Variants in TENM2 observed in about 807,000 individuals in gnomAD.
TENM2 encodes teneurin transmembrane protein 2.
Under a neutral mutation model 245.2 loss-of-function variants are expected in TENM2, and 52 were observed. The observed-to-expected ratio is 0.21, with a 90% CI of 0.17 to 0.27. The LOEUF is 0.27. Among genes scored for constraint, TENM2 ranks in the 10% least tolerant of loss-of-function variants. TENM2 has a pLI of 1.00. For synonymous variants in TENM2, 1,363 were observed against 1,438.9 expected, an observed-to-expected ratio of 0.95 and a Z score of 1.19; for missense variants, 3,046 against 3,666.8, an observed-to-expected ratio of 0.83 and a Z score of 4.37.
At chr5:167,775,217 C>A (rs1763685865) in intron 2 of TENM2, among the ~76,000 whole-genome samples, 1 of 152,170 alleles carries the variant, frequency 6.6e-6, no homozygotes, top group South Asian at 2.1e-4. Flanking sequence ...ATCTGCCCGC[C>A]TCGGCCTCCC....
chr5:168,254,334 C>G (rs1767437311), intron 27 of TENM2, among the ~76,000 whole-genome samples: 1 of 152,192 alleles, frequency 6.6e-6, no homozygotes, highest in South Asian at 2.1e-4. Flanking sequence ...TCAGAAATGC[C>G]TTCCGCAGCA....
chr5:167,003,638 C>T, the TENM2 span, among the ~76,000 whole-genome samples: 6 of 152,012 alleles, frequency 3.9e-5, no homozygotes, highest in Admixed American at 6.6e-5. Context: ...TTGGTAAAGT[C>T]GAACTTTTTT....
chr5:167,498,143 G>A (rs1768937333), intron 2 of TENM2, among the ~76,000 whole-genome samples: 1 of 152,050 alleles, frequency 6.6e-6, no homozygotes, highest in Non-Finnish European at 1.5e-5. Flanking sequence ...TGAGCAGCAT[G>A]CTTTTAATGT....
intron 5 of TENM2, among the ~76,000 whole-genome samples, chr5:168,044,303 T>C (rs546852903): frequency 2.3e-4 from 35 of 152,256 alleles, no homozygotes; most frequent in African/African-American, 6.3e-4. Context: ...TAGTCCCAGA[T>C]ACTCGGGAGG....
At chr5:168,114,235 G>T (rs546115424) in intron 9 of TENM2, among the ~76,000 whole-genome samples, 3 of 152,116 alleles carry the variant, frequency 2.0e-5, no homozygotes, top group East Asian at 1.9e-4. Context: ...GGGGAAATTG[G>T]GTCTTTGAGA....
chr5:167,438,496 A>G lies in TENM2; in HGVS notation c.502+63023A>G, dbSNP rs188123573. 4.1e-3 allele frequency among the ~76,000 whole-genome samples: 624 copies of G among 151,314 alleles called. 5 individuals carry two copies. Among genetic ancestry groups the G allele is most frequent in the African/African-American group, 0.014 (596 of 41,310 alleles). On this transcript the variant is annotated intron_variant, in intron 2 of 28. Transcript: ENST00000518659. ...AAGCTCTGCCTCCTGAGTTCACGGT[A>G]TTCTCCTGCCTCAGCCTCCCAAGTA...
the TENM2 span, among the ~76,000 whole-genome samples, chr5:167,233,218 A>G: frequency 1.3e-5 from 2 of 152,210 alleles, no homozygotes; most frequent in African/African-American, 2.4e-5. Flanking sequence ...ATATTTTCCT[A>G]AAAGTCAGTT....
At chr5:167,937,480 C>G (rs1778814445) in intron 3 of TENM2, among the ~76,000 whole-genome samples, 1 of 152,156 alleles carries the variant, frequency 6.6e-6, no homozygotes, top group Non-Finnish European at 1.5e-5. Context: ...TTTTGCATAC[C>G]CACCAGCAAT....
At chr5:167,145,568 G>A in the TENM2 span, among the ~76,000 whole-genome samples, 1 of 152,166 alleles carries the variant, frequency 6.6e-6, no homozygotes, top group African/African-American at 2.4e-5. Flanking sequence ...TCCTTCAGTG[G>A]ATTTCACAGT....
the TENM2 span, among the ~76,000 whole-genome samples, chr5:167,136,205 A>AT: frequency 6.6e-6 from 1 of 152,116 alleles, no homozygotes; most frequent in African/African-American, 2.4e-5. Flanking sequence ...CTGGATTATT[A>AT]TTTTTTGTCT....
At chr5:167,607,049 G>A (rs1457506441) in intron 2 of TENM2, among the ~76,000 whole-genome samples, 1 of 152,086 alleles carries the variant, frequency 6.6e-6, no homozygotes, top group Non-Finnish European at 1.5e-5. Flanking sequence ...TAGCTTAAGG[G>A]TCACAAATTT....
At chr5:168,118,745 T>C (rs1795267326) in intron 10 of TENM2, among the ~76,000 whole-genome samples, 1 of 152,172 alleles carries the variant, frequency 6.6e-6, no homozygotes, top group African/African-American at 2.4e-5. Flanking sequence ...TTCACCTTTG[T>C]TTTTCTCTTT....
At chr5:167,692,854 G>A (rs546239424) in intron 2 of TENM2, among the ~76,000 whole-genome samples, 2 of 152,302 alleles carry the variant, frequency 1.3e-5, no homozygotes, top group African/African-American at 2.4e-5. Flanking sequence ...GCAGATGGAC[G>A]ATAGTGTTGC....
the TENM2 span, among the ~76,000 whole-genome samples, chr5:167,135,360 T>C: frequency 6.6e-6 from 1 of 152,246 alleles, no homozygotes; most frequent in Admixed American, 6.5e-5. Context: ...AATAGAATTA[T>C]AGGTCCATTG....
chr5:167,546,966 C>T (rs115698722), intron 2 of TENM2, among the ~76,000 whole-genome samples: 421 of 152,294 alleles, frequency 2.8e-3, no homozygotes, highest in African/African-American at 9.7e-3. Context: ...GTGGCAGTCC[C>T]ATTGCCTGCA....
chr5:167,591,447 G>A (rs753164073), intron 2 of TENM2, among the ~76,000 whole-genome samples: 1 of 152,110 alleles, frequency 6.6e-6, no homozygotes, highest in South Asian at 2.1e-4. Context: ...CTCAAATCGG[G>A]CAGGCTTTCT....
chr5:167,975,783 A>C (rs890779811), intron 4 of TENM2, among the ~76,000 whole-genome samples: 3 of 152,012 alleles, frequency 2.0e-5, no homozygotes, highest in African/African-American at 7.2e-5. Flanking sequence ...TGTAAATTCA[A>C]ATGGGAAAAT....
chr5:167,846,247 T>A (rs1392288863), intron 2 of TENM2, among the ~76,000 whole-genome samples: 1 of 152,250 alleles, frequency 6.6e-6, no homozygotes, highest in Non-Finnish European at 1.5e-5. Context: ...TGTCTGGCAC[T>A]GCTTCTGCCA....
At chr5:168,036,697 A>ATATATATG (rs1416426638) in intron 5 of TENM2, among the ~76,000 whole-genome samples, 1 of 98,088 alleles carries the variant, frequency 1.0e-5, no homozygotes, top group African/African-American at 6.1e-5. Flanking sequence ...ATATATATAT[A>ATATATATG]TATGTATGTG....
Sources: gnomAD v4.1 joint callset for allele counts (sites outside exome capture counted in the v4.1 genomes callset) on GRCh38, gnomAD v4.1.1 for gene constraint, MANE v1.5 for transcripts, NCBI Gene and HGNC (gene_info 2026-07-23, HGNC 2026-07-21) for gene names.